ASTN2: variants seen among roughly 807,000 people sequenced by gnomAD.
ASTN2 encodes astrotactin 2, also known as astrotactin-2.
Under a neutral mutation model 139.8 loss-of-function variants are expected in ASTN2, and 54 were observed. That is an observed-to-expected ratio of 0.39 (90% CI 0.31 to 0.48). ASTN2 has a LOEUF of 0.48. Among genes scored for constraint, ASTN2 ranks in the 20% least tolerant of loss-of-function variants. The pLI, the probability that ASTN2 is intolerant of heterozygous loss-of-function variation, is 0.95. For synonymous variants in ASTN2, 756 were observed against 719.5 expected, an observed-to-expected ratio of 1.05 and a Z score of -0.81; for missense variants, 1,565 against 1,725.1, an observed-to-expected ratio of 0.91 and a Z score of 1.64.
intron 19 of ASTN2, among the ~76,000 whole-genome samples, chr9:116,520,820 A>C (rs1018596838): frequency 6.6e-6 from 1 of 152,198 alleles, no homozygotes; most frequent in African/African-American, 2.4e-5. Context: ...ATAGAAAATT[A>C]ATGTACACAA....
chr9:117,096,181 C>G, intron 4 of ASTN2, 30 bp from the exon 5 acceptor site: 1 of 1,570,438 alleles, frequency 6.4e-7, no homozygotes, highest in Non-Finnish European at 8.8e-7. Flanking sequence ...ATCAGTTAGT[C>G]TCCCAGGCCT....
intron 16 of ASTN2, among the ~76,000 whole-genome samples, chr9:116,656,414 T>C (rs1312932673): frequency 6.6e-6 from 1 of 152,204 alleles, no homozygotes; most frequent in Non-Finnish European, 1.5e-5. Context: ...CTCTAGGTTT[T>C]CATGTAGGCC....
intron 6 of ASTN2, among the ~76,000 whole-genome samples, chr9:117,016,624 C>CTA (rs1175306157): frequency 0.044 from 867 of 19,918 alleles, 43 homozygotes; most frequent in African/African-American, 0.17. Context: ...ATCTATCTAT[C>CTA]TATATATATA....
intron 12 of ASTN2, among the ~76,000 whole-genome samples, chr9:116,814,639 A>G (rs776665714): frequency 6.6e-6 from 1 of 152,214 alleles, no homozygotes; most frequent in Non-Finnish European, 1.5e-5. Flanking sequence ...AAATGTGGAA[A>G]ATATGGGCAC....
At chr9:117,089,863 C>A (rs1249714289) in intron 5 of ASTN2, among the ~76,000 whole-genome samples, 2 of 152,182 alleles carry the variant, frequency 1.3e-5, no homozygotes, top group Non-Finnish European at 2.9e-5. Context: ...TTAATTCATT[C>A]CTTTTTATGG....
At chr9:117,270,984 T>C (rs1407595825) in intron 2 of ASTN2, among the ~76,000 whole-genome samples, 3 of 152,202 alleles carry the variant, frequency 2.0e-5, no homozygotes, top group Non-Finnish European at 2.9e-5. Context: ...TTTGAACAGA[T>C]ACTTTCAAAT....
At chr9:117,405,980 G>T (rs1489844095) in intron 1 of ASTN2, among the ~76,000 whole-genome samples, 1 of 152,188 alleles carries the variant, frequency 6.6e-6, no homozygotes, top group Admixed American at 6.5e-5. Context: ...CTGTGGGATG[G>T]ATAGTGTTTA....
intron 11 of ASTN2, among the ~76,000 whole-genome samples, chr9:116,846,192 G>A (rs1832426335): frequency 6.6e-6 from 1 of 152,168 alleles, no homozygotes; most frequent in South Asian, 2.1e-4. Flanking sequence ...GTGGTTGCCA[G>A]GGGCTGGGGG....
chr9:117,009,043 G>A (rs1195612102), intron 6 of ASTN2, among the ~76,000 whole-genome samples: 1 of 152,096 alleles, frequency 6.6e-6, no homozygotes, highest in Non-Finnish European at 1.5e-5. Context: ...GAAGGAGAAG[G>A]TGGGGTTTGG....
intron 19 of ASTN2, among the ~76,000 whole-genome samples, chr9:116,518,222 C>A (rs1018960974): frequency 2.6e-5 from 4 of 152,092 alleles, no homozygotes; most frequent in African/African-American, 4.8e-5. Flanking sequence ...TATCTAAAAT[C>A]AGGACAAAGG....
intron 10 of ASTN2, among the ~76,000 whole-genome samples, chr9:116,924,322 CA>C (rs1395561768): frequency 4.0e-5 from 6 of 148,614 alleles, no homozygotes; most frequent in African/African-American, 1.5e-4. Context: ...CCCAGCTACT[CA>C]GGTGGCTGAG....
At position 117,044,523 on chromosome 9, in the gene ASTN2, G is replaced by A. The variant is rs981803960; in HGVS notation, c.1277-4558C>T. ...TCCTAAGAGTTCCTGGCTCAGGGAGGTGAGCATAGCATTTAGTAAGTAAGG... is the reference window on the plus strand; with the variant it reads ...TCCTAAGAGTTCCTGGCTCAGGGAGATGAGCATAGCATTTAGTAAGTAAGG... On this transcript the variant is annotated intron_variant, in intron 5 of 22. Coordinates refer to ENST00000313400, the MANE Select transcript of ASTN2 (RefSeq NM_001365068.1). 2.6e-5 allele frequency among the ~76,000 whole-genome samples: 4 copies of A among 152,304 alleles called. No homozygotes were observed. In the South Asian group the frequency reaches 6.2e-4, roughly 24 times the overall value.
intron 10 of ASTN2, among the ~76,000 whole-genome samples, chr9:116,972,355 T>C (rs1304596373): frequency 2.0e-5 from 3 of 152,228 alleles, no homozygotes; most frequent in Non-Finnish European, 4.4e-5. Flanking sequence ...CATTGTGTTA[T>C]TATTCCATAA....
intron 5 of ASTN2, among the ~76,000 whole-genome samples, chr9:117,054,012 A>G (rs897984988): frequency 6.6e-6 from 1 of 150,442 alleles, no homozygotes; most frequent in African/African-American, 2.5e-5. Context: ...GTGGGGGAAT[A>G]TAAGAGAGGA....
intron 4 of ASTN2, among the ~76,000 whole-genome samples, chr9:117,124,055 A>G (rs942989174): frequency 6.6e-6 from 1 of 151,938 alleles, no homozygotes; most frequent in Non-Finnish European, 1.5e-5. Flanking sequence ...ATACATTTTC[A>G]TCTCTGTGGT....
chr9:117,268,959 C>T (rs7870014), intron 2 of ASTN2, among the ~76,000 whole-genome samples: 2,445 of 152,268 alleles, frequency 0.016, 70 homozygotes, highest in African/African-American at 0.056. Context: ...CTTCCTTACC[C>T]GTAAAATAGC....
intron 10 of ASTN2, among the ~76,000 whole-genome samples, chr9:116,877,664 G>T (rs1407163931): frequency 1.6e-4 from 24 of 152,128 alleles, no homozygotes; most frequent in Admixed American, 1.6e-3. Context: ...ACCAGCCTGT[G>T]GTATGGTGAG....
At chr9:116,549,444 A>AC (rs571860062) in intron 19 of ASTN2, among the ~76,000 whole-genome samples, 111 of 152,254 alleles carry the variant, frequency 7.3e-4, no homozygotes, top group Non-Finnish European at 1.4e-3. Context: ...GGCAATTGCA[A>AC]CCCGGGCAAG....
intron 19 of ASTN2, among the ~76,000 whole-genome samples, chr9:116,514,470 T>C (rs1227722014): frequency 6.6e-6 from 1 of 152,178 alleles, no homozygotes; most frequent in Non-Finnish European, 1.5e-5. Flanking sequence ...GAGGAGGCAG[T>C]CTGTCTCAAC....
Sources: gnomAD v4.1 joint callset for allele counts (sites outside exome capture counted in the v4.1 genomes callset) on GRCh38, gnomAD v4.1.1 for gene constraint, MANE v1.5 for transcripts, NCBI Gene and HGNC (gene_info 2026-07-23, HGNC 2026-07-21) for gene names.